Variants in SFI1 observed in about 807,000 individuals in gnomAD.
SFI1 encodes SFI1 centrin binding protein.
A neutral mutation model predicts 207.5 loss-of-function variants in SFI1; 195 were observed. The ratio of observed to expected loss-of-function variants is 0.94; its 90% CI spans 0.84 to 1.06. The LOEUF is 1.06. Ranked by LOEUF, SFI1 falls within the 50% of genes least tolerant of loss-of-function variation. The pLI is 0.00. For synonymous variants in SFI1, 630 were observed against 598.9 expected (o/e 1.05, Z -0.76); for missense variants, 1,634 against 1,588.0 (o/e 1.03, Z -0.49).
intron 12 of SFI1, among the ~76,000 whole-genome samples, chr22:31,581,300 T>TA (rs2064147112): frequency 6.6e-6 from 1 of 150,650 alleles, no homozygotes; most frequent in Non-Finnish European, 1.5e-5. Flanking sequence ...TTTTTTTTTT[T>TA]GAGACAGGGT....
chr22:31,542,584 T>C (rs1231979482), intron 4 of SFI1, among the ~76,000 whole-genome samples: 1 of 152,124 alleles, frequency 6.6e-6, no homozygotes, highest in East Asian at 1.9e-4. Flanking sequence ...ACTGAGATCG[T>C]GCCATTGCAC....
chr22:31,535,009 G>T (rs1337699089), intron 4 of SFI1, among the ~76,000 whole-genome samples: 1 of 151,466 alleles, frequency 6.6e-6, no homozygotes, highest in Non-Finnish European at 1.5e-5. Context: ...ACATAGCTGG[G>T]ACTACAGGCA....
chr22:31,597,349 T>C (rs1012761335), intron 15 of SFI1, among the ~76,000 whole-genome samples: 10 of 152,164 alleles, frequency 6.6e-5, no homozygotes, highest in Admixed American at 2.0e-4. Flanking sequence ...TGATCTAGAT[T>C]TTTACCTGTT....
chr22:31,511,857 G>A (rs2055610715), intron 2 of SFI1, among the ~76,000 whole-genome samples: 1 of 151,946 alleles, frequency 6.6e-6, no homozygotes, highest in Non-Finnish European at 1.5e-5. Flanking sequence ...TCGCCATGTT[G>A]GTCTGGCTGG....
intron 4 of SFI1, among the ~76,000 whole-genome samples, chr22:31,542,101 TAAAA>T (rs10651316): frequency 3.5e-5 from 4 of 114,440 alleles, no homozygotes; most frequent in African/African-American, 1.3e-4. Flanking sequence ...ACCCCGTCTT[TAAAA>T]AAAAAAAAAA....
chr22:31,597,476 A>G (rs933246696), intron 15 of SFI1, among the ~76,000 whole-genome samples: 1 of 152,164 alleles, frequency 6.6e-6, no homozygotes, highest in African/African-American at 2.4e-5. Flanking sequence ...GTTCAGACCT[A>G]TGCTCTGTCG....
rs1438883722 is a variant in SFI1, at chr22:31,613,636, G to A, written c.2777G>A (p.Cys926Tyr). The A allele has an allele frequency of 6.3e-7, 1 of 1,598,556 alleles. No individual in the cohort carries two copies. The highest frequency in any genetic ancestry group is 8.5e-7 in the Non-Finnish European group (1 of 1,170,164). Residue 926 changes from cysteine (C) to tyrosine (Y), a missense_variant, in exon 27 of 33, where the codon TGT (cysteine) becomes TAT (tyrosine). Coordinates refer to ENST00000400288, the MANE Select transcript of SFI1 (RefSeq NM_001007467.3). ...AHSLHRAVRR[C>Y]ATLWKQKVLG... ...AGTCTCCATCGTGCCGTCCGCCGCT[G>A]TGCCACGCTCTGGAAACAGAAAGTG...
intron 8 of SFI1, among the ~76,000 whole-genome samples, chr22:31,571,451 T>C (rs935120923): frequency 4.6e-5 from 7 of 151,242 alleles, no homozygotes; most frequent in African/African-American, 1.7e-4. Flanking sequence ...TAGCTGGGAC[T>C]ACAGGTACAC....
rs751011958 is a variant in SFI1, at chr22:31,604,899, C to T, written c.2008C>T (p.Arg670Trp). The stretch of plus-strand genomic sequence containing the variant: ...CCAGGGCAGGGTGCGAAGCATCCTC[C>T]GGGAGGTGGCAGCCAGGGAGAGCCA... ...TYQGRVRSIL[R>W]EVAARESQHN... Residue 670 changes from arginine (R) to tryptophan (W), a missense_variant, in exon 20 of 33, where the codon CGG becomes TGG. Arg to Trp is a moderately radical substitution (Grantham distance 101). Transcript: ENST00000400288. 3.8e-5 allele frequency: 62 copies of T among 1,611,570 alleles called. No homozygotes were observed. The highest frequency in any genetic ancestry group is 6.7e-5 in the African/African-American group (5 of 74,774).
At chr22:31,500,806 G>T (rs1452932413) in intron 1 of SFI1, among the ~76,000 whole-genome samples, 26 of 102,830 alleles carry the variant, frequency 2.5e-4, no homozygotes, top group African/African-American at 8.9e-4. Flanking sequence ...TTTGTTTTTT[G>T]TTTTTTTTTT....
intron 4 of SFI1, among the ~76,000 whole-genome samples, chr22:31,546,445 C>T (rs751947005): frequency 6.6e-5 from 10 of 152,096 alleles, no homozygotes; most frequent in African/African-American, 2.2e-4. Context: ...ATTCTCCTGC[C>T]TCAGCCTCCT....
At chr22:31,595,474 C>T (rs2066967875) in intron 15 of SFI1, among the ~76,000 whole-genome samples, 1 of 152,236 alleles carries the variant, frequency 6.6e-6, no homozygotes, top group Non-Finnish European at 1.5e-5. Context: ...AATGGTAACA[C>T]AACCAGTAAG....
chr22:31,607,787 C>T (rs531118836), intron 21 of SFI1, 150 bp from the exon 22 acceptor site: 19 of 605,072 alleles, frequency 3.1e-5, no homozygotes, highest in South Asian at 3.0e-4. Context: ...CAGTGGTCTG[C>T]GTGCAAGGCA....
At chr22:31,507,478 T>C (rs1159200256) in intron 1 of SFI1, among the ~76,000 whole-genome samples, 1 of 152,150 alleles carries the variant, frequency 6.6e-6, no homozygotes, top group Non-Finnish European at 1.5e-5. Context: ...CCAGAAGCAA[T>C]TGCAACAGAA....
rs1193788098 is a variant in SFI1, at chr22:31,556,973, G to A, written c.576G>A (p.Lys192=). 2 of 1,611,168 alleles carry A rather than the reference G, an allele frequency of 1.2e-6. No individual in the cohort carries two copies. The highest frequency in any genetic ancestry group is 1.7e-6 in the Non-Finnish European group (2 of 1,178,492). Residue 192 remains lysine, a synonymous_variant, in exon 7 of 33, where the codon AAG becomes AAA. Coordinates refer to ENST00000400288, the MANE Select transcript of SFI1 (RefSeq NM_001007467.3). ...AGCAAAAGATGCGACAGGCCTGGAA[G>A]TCCTGGTTGATCTACGTGGTTGTTC... ...DAKQKMRQAW[K]SWLIYVVVRR...
At chr22:31,573,440 T>G (rs1273588572) in intron 9 of SFI1, among the ~76,000 whole-genome samples, 1 of 147,360 alleles carries the variant, frequency 6.8e-6, no homozygotes, top group African/African-American at 2.5e-5. Flanking sequence ...GTAGATAGAT[T>G]TTTTTTTTTT....
At chr22:31,537,523 G>A (rs767997443) in intron 4 of SFI1, among the ~76,000 whole-genome samples, 4 of 152,280 alleles carry the variant, frequency 2.6e-5, no homozygotes, top group East Asian at 3.9e-4. Flanking sequence ...AGTGGTAGGC[G>A]GGTGTAGAGG....
chr22:31,589,566 A>G lies in SFI1; in HGVS notation c.1533A>G (p.Thr511=), dbSNP rs2065537612. ...AAAATGTCCTCAGTGCAAGAGCAAC[A>G]CGTTTCCACAGGTATGTTGCGCAGC... ...HQENVLSARA[T]RFHRETLEKQ... Residue 511 remains threonine, a synonymous_variant, in exon 15 of 33, where the codon ACA becomes ACG. Coordinates refer to ENST00000400288, the MANE Select transcript of SFI1 (RefSeq NM_001007467.3). 3 of 1,612,656 alleles carry G rather than the reference A, an allele frequency of 1.9e-6. No homozygotes were observed. In the South Asian group the frequency reaches 3.3e-5, roughly 18 times the overall value.
chr22:31,579,932 C>G (rs941892770), intron 11 of SFI1, among the ~76,000 whole-genome samples: 1 of 152,210 alleles, frequency 6.6e-6, no homozygotes, highest in Non-Finnish European at 1.5e-5. Flanking sequence ...CTGTCTTCTC[C>G]TGAGAGGCAA....
Sources: allele counts gnomAD v4.1 joint callset (sites outside exome capture counted in the v4.1 genomes callset), GRCh38; gene constraint gnomAD v4.1.1; transcripts MANE v1.5; gene names NCBI Gene and HGNC (gene_info 2026-07-23, HGNC 2026-07-21).